DNAH6: variants seen among roughly 807,000 people sequenced by gnomAD.
DNAH6 encodes axonemal beta dynein heavy chain 6.
In DNAH6, 340 loss-of-function variants were observed where a neutral mutation model predicts 491.4. The ratio of observed to expected loss-of-function variants is 0.69; its 90% CI spans 0.63 to 0.76. The LOEUF (loss-of-function observed/expected upper bound fraction) is 0.76, where lower values mean the gene tolerates loss of function less well. Among genes scored for constraint, DNAH6 ranks in the 30% least tolerant of loss-of-function variants. The pLI, the probability that DNAH6 is intolerant of heterozygous loss-of-function variation, is 0.00. For synonymous variants in DNAH6, 1,603 were observed against 1,686.1 expected (o/e 0.95, Z 1.21); for missense variants, 4,443 against 4,972.2 (o/e 0.89, Z 3.20).
intron 21 of DNAH6, among the ~76,000 whole-genome samples, chr2:84,610,138 C>A (rs1447108388): frequency 6.6e-6 from 1 of 152,056 alleles, no homozygotes; most frequent in Non-Finnish European, 1.5e-5. Flanking sequence ...TCTTGGAATT[C>A]TTGGGCTAAG....
intron 67 of DNAH6, 140 bp downstream of exon 67, chr2:84,785,896 A>G: frequency 1.2e-6 from 1 of 845,916 alleles, no homozygotes; most frequent in Non-Finnish European, 1.7e-6. Flanking sequence ...AGTTGTTTTC[A>G]TTCAATCTCT....
Position 84,787,171 on chromosome 2 carries a change from A to G in DNAH6, c.11108A>G (p.Lys3703Arg). The G allele has an allele frequency of 6.6e-7, 1 of 1,505,798 alleles. No homozygotes were observed. The highest frequency in any genetic ancestry group is 8.9e-7 in the Non-Finnish European group (1 of 1,126,700). The allele number at this position is 1,505,798 out of a possible 1,614,324, so 93.3% of individuals were successfully genotyped here. The change falls in exon 68 of 77, where the codon AAG (lysine) becomes AGG (arginine). Residue 3703 changes from lysine to arginine, a missense_variant. By Grantham distance (26) the Lys-to-Arg change is conservative. Transcript: ENST00000389394. The part of the protein sequence containing the change: ...CFFHAIIQER[K>R]KFGPLGWNIC... The stretch of plus-strand genomic sequence containing the variant: ...TTTCATTTTTCATTTTAGGAGAGAA[A>G]GAAGTTTGGCCCCCTTGGTTGGAAT...
chr2:84,506,482 G>A, the DNAH6 span, among the ~76,000 whole-genome samples: 73 of 152,236 alleles, frequency 4.8e-4, no homozygotes, highest in African/African-American at 1.6e-3. Flanking sequence ...TATGTCAGAC[G>A]AGTAGATTGC....
Position 84,547,612 on chromosome 2 carries a change from G to A in DNAH6, c.1186G>A (p.Asp396Asn), listed in dbSNP as rs1444735326. 6.4e-7 allele frequency: 1 copy of A among 1,551,604 alleles called. No homozygotes were observed. The highest frequency in any genetic ancestry group is 8.7e-7 in the Non-Finnish European group (1 of 1,146,850). The change falls in exon 7 of 77, where the codon GAT becomes AAT. Residue 396 changes from aspartate to asparagine, a missense_variant and splice_region_variant. Physicochemically the swap from Asp to Asn is conservative, Grantham distance 23 (BLOSUM62 1). Transcript: ENST00000389394. ...PDDCAFGPFE[D>N]YHKVQSSGSF... ...TGACTGTGCATTTGGACCTTTTGAGGGTATGAAGGGGAAAGAACCTCAATA... is the reference window on the plus strand; with the variant it reads ...TGACTGTGCATTTGGACCTTTTGAGAGTATGAAGGGGAAAGAACCTCAATA...
chr2:84,739,433 A>C (rs2105015201), intron 62 of DNAH6, among the ~76,000 whole-genome samples: 1 of 152,320 alleles, frequency 6.6e-6, no homozygotes, highest in Admixed American at 6.5e-5. Flanking sequence ...TTATATCCTC[A>C]AATATGTTTT....
chr2:84,477,377 G>A, the DNAH6 span, among the ~76,000 whole-genome samples: 1 of 152,206 alleles, frequency 6.6e-6, no homozygotes, highest in African/African-American at 2.4e-5. Context: ...CATTATGTCA[G>A]ACATGCAAGC....
intron 11 of DNAH6, among the ~76,000 whole-genome samples, chr2:84,571,689 G>A (rs917787311): frequency 6.6e-6 from 1 of 151,732 alleles, no homozygotes; most frequent in African/African-American, 2.4e-5. Context: ...CTAGGTGGGC[G>A]GATCACAAGG....
At chr2:84,560,720 T>C (rs1341307253) in intron 11 of DNAH6, among the ~76,000 whole-genome samples, 2 of 152,188 alleles carry the variant, frequency 1.3e-5, no homozygotes, top group African/African-American at 2.4e-5. Flanking sequence ...TTTGGTTTTT[T>C]GTCCTTGTGA....
chr2:84,762,730 C>CTTTTTT, intron 63 of DNAH6, 25 bp from the exon 64 acceptor site: 1 of 1,479,200 alleles, frequency 6.8e-7, no homozygotes, highest in Non-Finnish European at 9.2e-7. Context: ...ATTCAACATA[C>CTTTTTT]TTTTTTTTTC....
At chr2:84,748,989 G>A (rs1454801248) in intron 63 of DNAH6, among the ~76,000 whole-genome samples, 1 of 152,096 alleles carries the variant, frequency 6.6e-6, no homozygotes, top group African/African-American at 2.4e-5. Context: ...AGGGGAGAGA[G>A]GCACCAGACT....
intron 18 of DNAH6, among the ~76,000 whole-genome samples, chr2:84,598,816 G>C (rs1263769090): frequency 6.6e-6 from 1 of 152,062 alleles, no homozygotes; most frequent in Non-Finnish European, 1.5e-5. Flanking sequence ...TGGATCACGA[G>C]GTCAAGAGAT....
intron 70 of DNAH6, 107 bp downstream of exon 70, chr2:84,797,765 C>A: frequency 1.0e-6 from 1 of 1,001,328 alleles, no homozygotes; most frequent in Non-Finnish European, 1.4e-6. Flanking sequence ...CCTAAATAAA[C>A]AAATAAAATA....
chr2:84,620,315 G>T (rs1032248043), intron 24 of DNAH6, among the ~76,000 whole-genome samples: 1 of 152,160 alleles, frequency 6.6e-6, no homozygotes, highest in Non-Finnish European at 1.5e-5. Context: ...TCGTTCAGGG[G>T]ATAGTGTATG....
chr2:84,634,358 C>T, intron 29 of DNAH6, 146 bp from the exon 30 acceptor site: 1 of 732,116 alleles, frequency 1.4e-6, no homozygotes. Context: ...AAAGTGTTTA[C>T]TTCTGACATA....
In DNAH6 at chr2:84,706,955, A is replaced by C. The variant is rs1696517234; in HGVS notation, c.8787A>C (p.Val2929=). ...AAAAGCAAGCATTACTAAGACAAGT[A>C]GAAGATCAAATACAGGCCTTACAAG... The part of the protein sequence containing the change: ...LREKQALLRQ[V]EDQIQALQDE... Residue 2929 remains valine (V), a synonymous_variant, in exon 53 of 77, where the codon GTA becomes GTC. Coordinates refer to ENST00000389394, the MANE Select transcript of DNAH6 (RefSeq NM_001370.2). 6.5e-7 allele frequency: 1 copy of C among 1,545,026 alleles called. No homozygotes were observed. The highest frequency in any genetic ancestry group is 8.7e-7 in the Non-Finnish European group (1 of 1,145,806).
At chr2:84,757,083 G>T (rs1161923783) in intron 63 of DNAH6, among the ~76,000 whole-genome samples, 1 of 152,136 alleles carries the variant, frequency 6.6e-6, no homozygotes. Flanking sequence ...GTATATCTAG[G>T]CCTTATAGAT....
Position 84,701,183 on chromosome 2 carries a change from C to G in DNAH6, c.7905C>G (p.Pro2635=), listed in dbSNP as rs1695865002. Reference sequence around the variant, plus strand: ...ATGAAGAACTGAAAGAAAAGCTTCCCTTGATGTGCGTGAACGTTCACTTGA... The same window carrying G: ...ATGAAGAACTGAAAGAAAAGCTTCCGTTGATGTGCGTGAACGTTCACTTGA... ...AGNEELKEKL[P]LMCVNVHLSV... is the part of the protein sequence containing the mutation. The change falls in exon 49 of 77, where the codon CCC becomes CCG. Residue 2635 remains proline (P), a synonymous_variant. Coordinates refer to ENST00000389394, the MANE Select transcript of DNAH6 (RefSeq NM_001370.2). 4 of 1,551,754 alleles carry G rather than the reference C, an allele frequency of 2.6e-6. No individual in the cohort carries two copies. The African/African-American group carries it at 5.5e-5, about 21-fold the overall frequency.
intron 75 of DNAH6, among the ~76,000 whole-genome samples, chr2:84,815,223 T>A (rs2105347837): frequency 6.6e-6 from 1 of 152,366 alleles, no homozygotes; most frequent in South Asian, 2.1e-4. Context: ...TAGTTTACCA[T>A]CCTTTTATTC....
rs1201994168 is a variant in DNAH6 at position 84,626,096 on chromosome 2, G to A, written c.4515+1033G>A. The stretch of plus-strand genomic sequence containing the variant: ...CTTAGTATTATTATGAAAACACTTT[G>A]GCCTCACAGATCCCCTAAAAAAAAA... On this transcript the variant is annotated intron_variant, in intron 29 of 76. Transcript: ENST00000389394. Among the ~76,000 whole-genome samples, 3 of 151,824 alleles carry A rather than the reference G, an allele frequency of 2.0e-5. No homozygotes were observed. The South Asian group carries it at 6.2e-4, about 32-fold the overall frequency.
Sources: allele counts gnomAD v4.1 joint callset (sites outside exome capture counted in the v4.1 genomes callset), GRCh38; gene constraint gnomAD v4.1.1; transcripts MANE v1.5; gene names NCBI Gene and HGNC (gene_info 2026-07-23, HGNC 2026-07-21).